The following IL1RAPL1 variants were observed in gnomAD, a reference collection of about 807,000 sequenced individuals.
The protein encoded by IL1RAPL1 is interleukin 1 receptor accessory protein like 1, also known as interleukin-1 receptor accessory protein-like 1.
IL1RAPL1 carries 3 observed loss-of-function variants against 48.4 expected under a neutral mutation model. The observed-to-expected ratio is 0.06, with a 90% CI of 0.03 to 0.16. The LOEUF (loss-of-function observed/expected upper bound fraction) is 0.16, where lower values mean the gene tolerates loss of function less well. IL1RAPL1 is among the 10% of genes least tolerant of loss of function. The pLI is 1.00. For synonymous variants in IL1RAPL1, 185 were observed against 187.7 expected (o/e 0.99, Z 0.12); for missense variants, 349 against 530.6 (o/e 0.66, Z 3.36).
intron 3 of IL1RAPL1, among the ~76,000 whole-genome samples, chrX:29,330,369 TTG>T (rs1419871478): frequency 9.0e-6 from 1 of 111,473 alleles, no homozygotes; most frequent in Admixed American, 9.5e-5. Flanking sequence ...TAGTGTTAAA[TTG>T]TGCCCCTTCC....
intron 1 of IL1RAPL1, among the ~76,000 whole-genome samples, chrX:28,666,074 C>T (rs1934875525): frequency 8.9e-6 from 1 of 111,843 alleles, no homozygotes; most frequent in Admixed American, 9.5e-5. Context: ...GTGGATGGTT[C>T]AGCTTTCTGG....
intron 5 of IL1RAPL1, among the ~76,000 whole-genome samples, chrX:29,623,910 C>T (rs945887732): frequency 8.9e-6 from 1 of 111,827 alleles, no homozygotes; most frequent in African/African-American, 3.3e-5. Flanking sequence ...ATAGAGATAA[C>T]ATCTTAGTCC....
At chrX:29,196,932 T>C (rs894824274) in intron 2 of IL1RAPL1, among the ~76,000 whole-genome samples, 5 of 110,406 alleles carry the variant, frequency 4.5e-5, no homozygotes, top group African/African-American at 1.6e-4. Flanking sequence ...ATCTAGTGTA[T>C]ATTTTCCTAA....
chrX:28,675,359 G>A (rs1934986159), intron 1 of IL1RAPL1, among the ~76,000 whole-genome samples: 1 of 111,380 alleles, frequency 9.0e-6, no homozygotes, highest in Admixed American at 9.6e-5. Context: ...CATCTTTGAA[G>A]CATATTTTTT....
chrX:28,687,728 G>T (rs1935127704), intron 1 of IL1RAPL1, among the ~76,000 whole-genome samples: 1 of 109,149 alleles, frequency 9.2e-6, no homozygotes, highest in Admixed American at 9.7e-5. Flanking sequence ...CTTGCAGTGA[G>T]CGGAGATTGC....
At chrX:29,355,041 A>G (rs1400662648) in intron 3 of IL1RAPL1, among the ~76,000 whole-genome samples, 1 of 111,916 alleles carries the variant, frequency 8.9e-6, no homozygotes, top group Admixed American at 9.5e-5. Flanking sequence ...TACAGTAAAC[A>G]AGAGTAAGGT....
chrX:28,615,500 T>C (rs944375065), intron 1 of IL1RAPL1, among the ~76,000 whole-genome samples: 5 of 110,411 alleles, frequency 4.5e-5, no homozygotes, highest in Non-Finnish European at 9.4e-5. Flanking sequence ...TAATGGCATT[T>C]TTGAAACATA....
At chrX:29,306,580 T>C (rs1932626483) in intron 3 of IL1RAPL1, among the ~76,000 whole-genome samples, 1 of 89,265 alleles carries the variant, frequency 1.1e-5, no homozygotes, top group South Asian at 5.4e-4. Context: ...AGTTTATTTA[T>C]GGCCAGGCGC....
At chrX:28,869,061 T>G (rs1406948215) in intron 2 of IL1RAPL1, among the ~76,000 whole-genome samples, 1 of 112,806 alleles carries the variant, frequency 8.9e-6, no homozygotes, top group Non-Finnish European at 1.9e-5. Flanking sequence ...ATTTATTAAT[T>G]TATGCATGCT....
At chrX:29,184,276 A>G (rs1398506040) in intron 2 of IL1RAPL1, among the ~76,000 whole-genome samples, 1 of 111,609 alleles carries the variant, frequency 9.0e-6, no homozygotes, top group Non-Finnish European at 1.9e-5. Flanking sequence ...CGAATATAGT[A>G]TTTCAGAGAG....
At chrX:29,334,908 G>GT (rs1264303047) in intron 3 of IL1RAPL1, among the ~76,000 whole-genome samples, 1 of 112,893 alleles carries the variant, frequency 8.9e-6, no homozygotes, top group Non-Finnish European at 1.9e-5. Context: ...TCGGCACTTT[G>GT]GGGGGCCAAT....
chrX:29,802,767 A>ATATATATATATGTGTGTG (rs1929953363), intron 6 of IL1RAPL1, among the ~76,000 whole-genome samples: 2 of 27,055 alleles, frequency 7.4e-5, no homozygotes, highest in African/African-American at 4.7e-4. Context: ...ATATATATAT[A>ATATATATATATGTGTGTG]TATATATATA....
chrX:28,590,932 A>G lies in IL1RAPL1; in HGVS notation c.-25+2885A>G, dbSNP rs186326506. Among the ~76,000 whole-genome samples the G allele has an allele frequency of 2.4e-3, 271 of 112,259 alleles. 1 individual carries two copies. Among genetic ancestry groups the G allele is most frequent in the African/African-American group, 8.3e-3 (256 of 30,991 alleles). ...ACTTCTATTAGGAAAGATAGTTTCA[A>G]TCATGTTAATGGCACTTTATAAGCT... On this transcript the variant is annotated intron_variant, in intron 1 of 10. Coordinates refer to ENST00000378993, the MANE Select transcript of IL1RAPL1 (RefSeq NM_014271.4).
chrX:28,894,348 G>A (rs746886576), intron 2 of IL1RAPL1, among the ~76,000 whole-genome samples: 178 of 111,561 alleles, frequency 1.6e-3, no homozygotes, highest in Middle Eastern at 4.6e-3. Flanking sequence ...GTGGCGATTA[G>A]GCCTGGTGGA....
chrX:28,978,709 A>G (rs1163603370), intron 2 of IL1RAPL1, among the ~76,000 whole-genome samples: 11 of 112,286 alleles, frequency 9.8e-5, no homozygotes, highest in Non-Finnish European at 1.9e-4. Context: ...TTTCCATAGC[A>G]TGAGAGTGAA....
chrX:29,579,874 T>G (rs1922901156), intron 5 of IL1RAPL1, among the ~76,000 whole-genome samples: 1 of 111,900 alleles, frequency 8.9e-6, no homozygotes, highest in African/African-American at 3.2e-5. Flanking sequence ...GACATTATCT[T>G]TACATATGTG....
intron 1 of IL1RAPL1, among the ~76,000 whole-genome samples, chrX:28,647,256 T>C (rs1934623737): frequency 8.9e-6 from 1 of 112,188 alleles, no homozygotes; most frequent in South Asian, 3.7e-4. Flanking sequence ...CCTACAAGTA[T>C]ACAATCTTCC....
intron 1 of IL1RAPL1, among the ~76,000 whole-genome samples, chrX:28,754,599 C>T (rs772454803): frequency 8.9e-6 from 1 of 112,116 alleles, no homozygotes; most frequent in East Asian, 2.8e-4. Flanking sequence ...GGGGACCATT[C>T]CCATCCATCT....
intron 5 of IL1RAPL1, among the ~76,000 whole-genome samples, chrX:29,421,098 G>C (rs1934285235): frequency 8.9e-6 from 1 of 112,042 alleles, no homozygotes; most frequent in Non-Finnish European, 1.9e-5. Flanking sequence ...TTCACAATGT[G>C]AAAAACATAA....
Sources: gnomAD v4.1 joint callset for allele counts (sites outside exome capture counted in the v4.1 genomes callset) on GRCh38, gnomAD v4.1.1 for gene constraint, MANE v1.5 for transcripts, NCBI Gene and HGNC (gene_info 2026-07-23, HGNC 2026-07-21) for gene names.